Variants in PTPRM observed in about 807,000 individuals in gnomAD.
The protein encoded by PTPRM is protein tyrosine phosphatase receptor type M.
In PTPRM, 47 loss-of-function variants were observed where a neutral mutation model predicts 186.7. That is an observed-to-expected ratio of 0.25 (90% CI 0.20 to 0.32). PTPRM has a LOEUF of 0.32. PTPRM is among the 10% of genes least tolerant of loss of function. The pLI, the probability that PTPRM is intolerant of heterozygous loss-of-function variation, is 1.00. For missense variants in PTPRM, 1,494 were observed against 1,865.0 expected (o/e 0.80, Z 3.66); for synonymous variants, 668 against 674.9 (o/e 0.99, Z 0.16).
chr18:8,178,243 A>G (rs547854702), intron 14 of PTPRM, among the ~76,000 whole-genome samples: 1 of 152,332 alleles, frequency 6.6e-6, no homozygotes, highest in South Asian at 2.1e-4. Flanking sequence ...GTTCACAGGA[A>G]TAAGCAAGGT....
chr18:7,739,904 T>G lies in PTPRM; in HGVS notation c.74-34245T>G, dbSNP rs2040853280. On this transcript the variant is annotated intron_variant, in intron 1 of 32. Coordinates refer to ENST00000580170, the MANE Select transcript of PTPRM (RefSeq NM_001105244.2). The stretch of plus-strand genomic sequence containing the variant: ...GTGTCTCTTAGAGTATTTACCACTT[T>G]GTATTTCCTGTCCTGTATTGACGTG... Among the ~76,000 whole-genome samples the G allele has an allele frequency of 2.0e-5, 3 of 152,266 alleles. No individual in the cohort carries two copies. The South Asian group carries it at 6.2e-4, about 32-fold the overall frequency.
intron 2 of PTPRM, among the ~76,000 whole-genome samples, chr18:7,828,379 A>G (rs926887178): frequency 6.6e-6 from 1 of 151,908 alleles, no homozygotes; most frequent in African/African-American, 2.4e-5. Flanking sequence ...AACATTAGGT[A>G]TGTCTCCTAA....
intron 14 of PTPRM, among the ~76,000 whole-genome samples, chr18:8,166,717 T>C (rs1451925554): frequency 6.6e-6 from 1 of 152,216 alleles, no homozygotes; most frequent in Admixed American, 6.5e-5. Context: ...AATGACTCTG[T>C]AGCACATATT....
intron 1 of PTPRM, among the ~76,000 whole-genome samples, chr18:7,735,952 C>A (rs2040761803): frequency 1.3e-5 from 2 of 151,934 alleles, no homozygotes; most frequent in South Asian, 4.2e-4. Flanking sequence ...AGCACCGCCT[C>A]CCCCCACCCC....
intron 14 of PTPRM, among the ~76,000 whole-genome samples, chr18:8,147,420 G>A (rs1202147509): frequency 6.6e-6 from 1 of 152,090 alleles, no homozygotes; most frequent in East Asian, 1.9e-4. Context: ...ATTGCGAATG[G>A]GAGTTCACTC....
chr18:7,760,473 T>C (rs889815139), intron 1 of PTPRM, among the ~76,000 whole-genome samples: 1 of 152,194 alleles, frequency 6.6e-6, no homozygotes, highest in African/African-American at 2.4e-5. Flanking sequence ...AGCAGGGTTT[T>C]AGAAGGGCCT....
At chr18:7,989,989 C>T (rs139151283) in intron 7 of PTPRM, among the ~76,000 whole-genome samples, 10 of 152,242 alleles carry the variant, frequency 6.6e-5, no homozygotes, top group African/African-American at 2.4e-4. Flanking sequence ...CTGTAACCTC[C>T]GCCTCCCGGG....
At chr18:8,117,130 T>C (rs894709365) in intron 13 of PTPRM, among the ~76,000 whole-genome samples, 10 of 152,166 alleles carry the variant, frequency 6.6e-5, no homozygotes, top group African/African-American at 2.4e-4. Flanking sequence ...AGAAAATGTG[T>C]CCCTATTGAT....
intron 7 of PTPRM, among the ~76,000 whole-genome samples, chr18:8,064,375 C>T (rs950102890): frequency 8.9e-6 from 1 of 112,944 alleles, no homozygotes; most frequent in African/African-American, 3.1e-5. Context: ...TTCTGTAAGA[C>T]TATTTTTTTT....
chr18:7,916,807 C>A (rs1318179865), intron 4 of PTPRM, among the ~76,000 whole-genome samples: 3 of 152,108 alleles, frequency 2.0e-5, no homozygotes, highest in Non-Finnish European at 4.4e-5. Context: ...CATATCCTCT[C>A]TTCTATTAAT....
intron 14 of PTPRM, among the ~76,000 whole-genome samples, chr18:8,177,102 T>C (rs917217416): frequency 2.6e-4 from 40 of 152,218 alleles, no homozygotes; most frequent in Non-Finnish European, 2.9e-5. Context: ...TATTACTTGT[T>C]CAAATACTGA....
chr18:7,943,041 C>G (rs1358356920), intron 5 of PTPRM, among the ~76,000 whole-genome samples: 7 of 152,068 alleles, frequency 4.6e-5, no homozygotes, highest in Non-Finnish European at 1.0e-4. Context: ...ATCTTTTTCC[C>G]TCGTGGATCA....
chr18:7,813,278 C>T (rs934992598), intron 2 of PTPRM, among the ~76,000 whole-genome samples: 5 of 152,152 alleles, frequency 3.3e-5, no homozygotes, highest in African/African-American at 9.7e-5. Flanking sequence ...AGTAGATTAA[C>T]GTTAGTGTGT....
chr18:8,211,162 A>G (rs1169310928), intron 14 of PTPRM, among the ~76,000 whole-genome samples: 2 of 152,146 alleles, frequency 1.3e-5, no homozygotes, highest in African/African-American at 2.4e-5. Context: ...CGAAAGCATC[A>G]GAGCAATGGG....
intron 7 of PTPRM, among the ~76,000 whole-genome samples, chr18:7,984,950 TATATAATTATATAC>T (rs1161224662): frequency 7.2e-5 from 9 of 124,492 alleles, no homozygotes; most frequent in Non-Finnish European, 9.4e-5. Context: ...TATATATACA[TATATAATTATATAC>T]ATATAATTAT....
intron 3 of PTPRM, among the ~76,000 whole-genome samples, chr18:7,899,394 A>G (rs2146477572): frequency 6.6e-6 from 1 of 152,282 alleles, no homozygotes; most frequent in East Asian, 1.9e-4. Flanking sequence ...TTACAAATAA[A>G]TTTTAGGGAG....
chr18:8,213,805 A>G (rs1313729320), intron 14 of PTPRM, among the ~76,000 whole-genome samples: 1 of 152,210 alleles, frequency 6.6e-6, no homozygotes, highest in East Asian at 1.9e-4. Context: ...ACCTGCATGC[A>G]TGCGCTTGTC....
intron 13 of PTPRM, among the ~76,000 whole-genome samples, chr18:8,127,651 T>C (rs2092404819): frequency 6.6e-6 from 1 of 152,166 alleles, no homozygotes; most frequent in African/African-American, 2.4e-5. Context: ...AGTTTAGCTC[T>C]GACAGAAACC....
intron 11 of PTPRM, among the ~76,000 whole-genome samples, chr18:8,091,886 A>G (rs1167470608): frequency 2.6e-5 from 4 of 152,180 alleles, no homozygotes; most frequent in African/African-American, 4.8e-5. Context: ...CAAAATGCAC[A>G]TGTAATCAAA....
Sources: gnomAD v4.1 joint callset for allele counts (sites outside exome capture counted in the v4.1 genomes callset) on GRCh38, gnomAD v4.1.1 for gene constraint, MANE v1.5 for transcripts, NCBI Gene and HGNC (gene_info 2026-07-23, HGNC 2026-07-21) for gene names.